The following MAGI1 variants were observed in gnomAD, a reference collection of about 807,000 sequenced individuals.
The protein encoded by MAGI1 is membrane-associated guanylate kinase, WW and PDZ domain-containing protein 1.
In MAGI1, 58 loss-of-function variants were observed where a neutral mutation model predicts 139.9. The ratio of observed to expected loss-of-function variants is 0.41; its 90% confidence interval spans 0.34 to 0.52. MAGI1 has a LOEUF of 0.52. Among genes scored for constraint, MAGI1 ranks in the 20% least tolerant of loss-of-function variants. The probability of loss-of-function intolerance (pLI) is 0.12; values close to 1 mark genes in which losing one functional copy is unlikely to be tolerated. For missense variants in MAGI1, 1,874 were observed against 1,901.6 expected (o/e 0.99, Z 0.27); for synonymous variants, 812 against 737.9 (o/e 1.10, Z -1.63).
chr3:65,615,506 G>C (rs1219442668), intron 2 of MAGI1, among the ~76,000 whole-genome samples: 1 of 152,160 alleles, frequency 6.6e-6, no homozygotes, highest in African/African-American at 2.4e-5. Context: ...TGCTCCTGAA[G>C]GGGCACTGTA....
chr3:65,879,458 T>A (rs1458418001), intron 1 of MAGI1, among the ~76,000 whole-genome samples: 2 of 152,120 alleles, frequency 1.3e-5, no homozygotes. Flanking sequence ...TATGATCATG[T>A]TATTACACTT....
chr3:65,769,978 A>G (rs2037818323), intron 1 of MAGI1, among the ~76,000 whole-genome samples: 1 of 152,210 alleles, frequency 6.6e-6, no homozygotes, highest in Admixed American at 6.5e-5. Context: ...AAAGATGTTC[A>G]CTTTCAAAAT....
At chr3:65,737,522 A>C (rs1375412797) in intron 1 of MAGI1, among the ~76,000 whole-genome samples, 1 of 152,234 alleles carries the variant, frequency 6.6e-6, no homozygotes, top group Non-Finnish European at 1.5e-5. Flanking sequence ...ATACAACAGG[A>C]AATAAGACAA....
At chr3:65,885,808 A>G (rs960523692) in intron 1 of MAGI1, among the ~76,000 whole-genome samples, 2 of 152,176 alleles carry the variant, frequency 1.3e-5, no homozygotes, top group Non-Finnish European at 2.9e-5. Context: ...ACCCAGTCTC[A>G]GGTATGTGTG....
chr3:65,478,446 C>T, intron 4 of MAGI1, 146 bp downstream of exon 4: 5 of 711,376 alleles, frequency 7.0e-6, no homozygotes, highest in South Asian at 1.7e-5. Flanking sequence ...ACCATCTCTT[C>T]TGCAAGCACT....
intron 12 of MAGI1, among the ~76,000 whole-genome samples, chr3:65,406,290 C>T (rs1420657167): frequency 6.6e-6 from 1 of 151,648 alleles, no homozygotes; most frequent in Non-Finnish European, 1.5e-5. Flanking sequence ...GCCATTTCAG[C>T]ACTGAGACAA....
intron 2 of MAGI1, among the ~76,000 whole-genome samples, chr3:65,547,096 A>G (rs2079540874): frequency 6.6e-6 from 1 of 152,188 alleles, no homozygotes. Context: ...TACATAACCA[A>G]TACAAGAGTC....
At chr3:65,490,651 C>T (rs980602173) in intron 3 of MAGI1, among the ~76,000 whole-genome samples, 2 of 151,814 alleles carry the variant, frequency 1.3e-5, no homozygotes, top group African/African-American at 4.8e-5. Context: ...CGAGACCATC[C>T]TGGCCAACAC....
intron 1 of MAGI1, among the ~76,000 whole-genome samples, chr3:65,719,006 C>T (rs1350677925): frequency 1.8e-5 from 2 of 109,242 alleles, no homozygotes; most frequent in Non-Finnish European, 3.5e-5. Flanking sequence ...CCCAGTAGCA[C>T]ATAACCCTAC....
chr3:65,850,815 A>C (rs1223222324), intron 1 of MAGI1, among the ~76,000 whole-genome samples: 1 of 152,130 alleles, frequency 6.6e-6, no homozygotes, highest in Non-Finnish European at 1.5e-5. Context: ...TATTTTAAAA[A>C]TATGCCTCAA....
chr3:65,621,292 C>A (rs1421888250), intron 2 of MAGI1, among the ~76,000 whole-genome samples: 7 of 152,196 alleles, frequency 4.6e-5, no homozygotes, highest in African/African-American at 1.7e-4. Context: ...AACGGAGCTG[C>A]GAATTTATCC....
intron 1 of MAGI1, among the ~76,000 whole-genome samples, chr3:65,702,912 G>A (rs1360876189): frequency 6.6e-6 from 1 of 151,892 alleles, no homozygotes; most frequent in Non-Finnish European, 1.5e-5. Context: ...TCAGCATATG[G>A]TGGTGAGAAA....
intron 1 of MAGI1, among the ~76,000 whole-genome samples, chr3:65,739,451 T>C (rs1043230737): frequency 6.6e-6 from 1 of 152,236 alleles, no homozygotes; most frequent in African/African-American, 2.4e-5. Context: ...CTTACTGGAA[T>C]AGCCCTTTTA....
chr3:65,906,556 A>G (rs2061440617), intron 1 of MAGI1, among the ~76,000 whole-genome samples: 1 of 152,196 alleles, frequency 6.6e-6, no homozygotes, highest in African/African-American at 2.4e-5. Context: ...GAAATGCCAA[A>G]GACAAAGAAA....
chr3:65,376,527 A>G (rs1942544885), intron 17 of MAGI1, among the ~76,000 whole-genome samples: 1 of 152,226 alleles, frequency 6.6e-6, no homozygotes, highest in Non-Finnish European at 1.5e-5. Context: ...TCTCCCCAGA[A>G]TGATGAAAGC....
intron 15 of MAGI1, among the ~76,000 whole-genome samples, chr3:65,382,493 A>T (rs1575571473): frequency 1.3e-5 from 2 of 152,326 alleles, no homozygotes; most frequent in East Asian, 1.9e-4. Flanking sequence ...ATACTCTTAA[A>T]TGAATGAATG....
intron 1 of MAGI1, among the ~76,000 whole-genome samples, chr3:65,949,766 T>C (rs2063707670): frequency 6.6e-6 from 1 of 152,228 alleles, no homozygotes; most frequent in Admixed American, 6.5e-5. Flanking sequence ...TTTACTTTTA[T>C]ATCTTGGCTC....
chr3:65,385,975 T>C (rs1038377835), intron 14 of MAGI1, among the ~76,000 whole-genome samples: 2 of 152,224 alleles, frequency 1.3e-5, no homozygotes, highest in Non-Finnish European at 2.9e-5. Flanking sequence ...AGACCACTGG[T>C]GCTTTCCAGC....
chr3:65,696,383 C>A (rs956309804), intron 1 of MAGI1, among the ~76,000 whole-genome samples: 8 of 151,996 alleles, frequency 5.3e-5, no homozygotes, highest in African/African-American at 1.9e-4. Context: ...CCATCCAATA[C>A]CTTTATATTG....
Sources: allele counts gnomAD v4.1 joint callset (sites outside exome capture counted in the v4.1 genomes callset), GRCh38; gene constraint gnomAD v4.1.1; transcripts MANE v1.5; gene names NCBI Gene and HGNC (gene_info 2026-07-23, HGNC 2026-07-21).